The following PPP2R2B variants were observed in gnomAD, a reference collection of about 807,000 sequenced individuals.
PPP2R2B encodes the protein serine/threonine-protein phosphatase 2A 55 kDa regulatory subunit B beta isoform.
Under a neutral mutation model 46.0 loss-of-function variants are expected in PPP2R2B, and 5 were observed. The observed-to-expected ratio is 0.11, with a 90% CI of 0.06 to 0.23. The LOEUF (loss-of-function observed/expected upper bound fraction) is 0.23. Among genes scored for constraint, PPP2R2B ranks in the 10% least tolerant of loss-of-function variants. The pLI is 1.00. For synonymous variants in PPP2R2B, 215 were observed against 206.7 expected (o/e 1.04, Z -0.34); for missense variants, 367 against 575.0 (o/e 0.64, Z 3.70).
chr5:146,955,944 A>G (rs757415752), intron 1 of PPP2R2B, among the ~76,000 whole-genome samples: 4 of 151,442 alleles, frequency 2.6e-5, no homozygotes, highest in Non-Finnish European at 5.9e-5. Context: ...GTGCCCGGCT[A>G]ATTTTTGTAA....
At chr5:146,723,619 T>C (rs1414900450) in intron 2 of PPP2R2B, among the ~76,000 whole-genome samples, 1 of 152,184 alleles carries the variant, frequency 6.6e-6, no homozygotes, top group Non-Finnish European at 1.5e-5. Context: ...TCACTTGTGT[T>C]GATAGGATAA....
intron 1 of PPP2R2B, among the ~76,000 whole-genome samples, chr5:146,968,977 C>G (rs529389907): frequency 2.4e-4 from 36 of 152,210 alleles, no homozygotes; most frequent in Admixed American, 3.9e-4. Context: ...TGCTTAACAA[C>G]CAGTTCAAAA....
At chr5:146,685,778 A>G (rs974035384) in intron 5 of PPP2R2B, among the ~76,000 whole-genome samples, 1 of 152,190 alleles carries the variant, frequency 6.6e-6, no homozygotes, top group Non-Finnish European at 1.5e-5. Context: ...GAGGACAGAA[A>G]CAGCCATTGT....
chr5:146,901,632 A>T (rs1307903142), intron 1 of PPP2R2B, among the ~76,000 whole-genome samples: 1 of 152,176 alleles, frequency 6.6e-6, no homozygotes, highest in African/African-American at 2.4e-5. Flanking sequence ...TGCTGTGTCA[A>T]CAACACAAAT....
At chr5:146,710,865 C>A (rs1780176319) in intron 2 of PPP2R2B, among the ~76,000 whole-genome samples, 1 of 152,246 alleles carries the variant, frequency 6.6e-6, no homozygotes, top group Non-Finnish European at 1.5e-5. Context: ...CATATTATGG[C>A]ATCTGGCACA....
chr5:146,916,070 G>A (rs1305548614), intron 1 of PPP2R2B, among the ~76,000 whole-genome samples: 1 of 152,112 alleles, frequency 6.6e-6, no homozygotes, highest in Non-Finnish European at 1.5e-5. Flanking sequence ...CATTAGTATA[G>A]CATCTCTAAA....
intron 2 of PPP2R2B, among the ~76,000 whole-genome samples, chr5:146,736,919 C>T (rs1752571309): frequency 6.6e-6 from 1 of 151,880 alleles, no homozygotes; most frequent in Non-Finnish European, 1.5e-5. Flanking sequence ...TAATGTGAGC[C>T]ATATATAATT....
intron 7 of PPP2R2B, among the ~76,000 whole-genome samples, chr5:146,619,452 TCAAAAA>T (rs1180582614): frequency 6.6e-6 from 1 of 152,044 alleles, no homozygotes; most frequent in Non-Finnish European, 1.5e-5. Context: ...CAAGACTCTC[TCAAAAA>T]CAAACCCAAA....
rs1169843910 is a variant in PPP2R2B, at chr5:146,988,239, GGAATTAAAC to G, written c.79+67417_79+67425del. On this transcript the variant is annotated intron_variant, in intron 1 of 8. Transcript: ENST00000336640. ...GACCAAAAATCAACAAAGAAATATTGGAATTAAACGACAGTCTAGACCAAATAGACTTAA... is the reference window on the plus strand; with the variant it reads ...GACCAAAAATCAACAAAGAAATATTGGACAGTCTAGACCAAATAGACTTAA... 4.7e-4 allele frequency among the ~76,000 whole-genome samples: 71 copies of G among 151,706 alleles called. 3 individuals carry two copies. Among genetic ancestry groups the G allele is most frequent in the Non-Finnish European group, 1.0e-3 (71 of 67,806 alleles).
intron 1 of PPP2R2B, among the ~76,000 whole-genome samples, chr5:146,934,494 C>A (rs549787553): frequency 7.1e-6 from 1 of 140,300 alleles, no homozygotes; most frequent in Non-Finnish European, 1.5e-5. Flanking sequence ...TGAGAAGTGT[C>A]TGTTCATGTC....
chr5:146,954,688 C>T (rs929749293), intron 1 of PPP2R2B, among the ~76,000 whole-genome samples: 26 of 150,986 alleles, frequency 1.7e-4, no homozygotes, highest in Middle Eastern at 3.4e-3. Flanking sequence ...AAAAGAGAGC[C>T]GAGATCTTTA....
chr5:146,894,169 C>T (rs1322988670), intron 1 of PPP2R2B, among the ~76,000 whole-genome samples: 1 of 152,206 alleles, frequency 6.6e-6, no homozygotes, highest in African/African-American at 2.4e-5. Context: ...AAATATTCCA[C>T]CTCCATGTTA....
chr5:147,042,725 A>G (rs894503415), intron 1 of PPP2R2B, among the ~76,000 whole-genome samples: 3 of 152,092 alleles, frequency 2.0e-5, no homozygotes, highest in Non-Finnish European at 4.4e-5. Flanking sequence ...ATAATATGTC[A>G]AGTAGTAAGA....
At chr5:146,658,316 A>C (rs1776467892) in intron 5 of PPP2R2B, among the ~76,000 whole-genome samples, 2 of 152,194 alleles carry the variant, frequency 1.3e-5, no homozygotes, top group Admixed American at 1.3e-4. Context: ...TGGAAATTCC[A>C]GATTCCGGCC....
chr5:146,957,068 A>G (rs1751946254), intron 1 of PPP2R2B, among the ~76,000 whole-genome samples: 1 of 152,234 alleles, frequency 6.6e-6, no homozygotes, highest in Admixed American at 6.5e-5. Context: ...TGGAACTCAA[A>G]TATTTCATTA....
chr5:146,685,310 C>T (rs570052524), intron 5 of PPP2R2B, among the ~76,000 whole-genome samples: 2 of 152,318 alleles, frequency 1.3e-5, no homozygotes, highest in South Asian at 2.1e-4. Flanking sequence ...CTTTCTGAGC[C>T]TCTGTTTATA....
chr5:146,822,587 T>G (rs943837476), intron 2 of PPP2R2B, among the ~76,000 whole-genome samples: 3 of 149,580 alleles, frequency 2.0e-5, no homozygotes, highest in African/African-American at 7.4e-5. Context: ...TACTTCTCCA[T>G]CTAATATATT....
At chr5:146,785,965 G>A (rs1368804191) in intron 2 of PPP2R2B, among the ~76,000 whole-genome samples, 1 of 152,030 alleles carries the variant, frequency 6.6e-6, no homozygotes, top group Non-Finnish European at 1.5e-5. Context: ...GTGTTCGATA[G>A]CACAGTAGGG....
intron 2 of PPP2R2B, among the ~76,000 whole-genome samples, chr5:146,703,687 C>T (rs1366459553): frequency 6.6e-6 from 1 of 152,168 alleles, no homozygotes; most frequent in East Asian, 1.9e-4. Flanking sequence ...TGTCTTTACT[C>T]TCACTTTAAG....
Sources: allele counts gnomAD v4.1 joint callset (sites outside exome capture counted in the v4.1 genomes callset), GRCh38; gene constraint gnomAD v4.1.1; transcripts MANE v1.5; gene names NCBI Gene and HGNC (gene_info 2026-07-23, HGNC 2026-07-21).